DLGAP1: variants seen among roughly 807,000 people sequenced by gnomAD.
DLGAP1 encodes DLG associated protein 1, also known as disks large-associated protein 1.
Under a neutral mutation model 90.8 loss-of-function variants are expected in DLGAP1, and 11 were observed. The observed-to-expected ratio is 0.12, with a 90% CI of 0.08 to 0.20. The LOEUF (loss-of-function observed/expected upper bound fraction) is 0.20. Ranked by LOEUF, DLGAP1 falls within the 10% of genes least tolerant of loss-of-function variation. The probability of loss-of-function intolerance (pLI) is 1.00; values close to 1 mark genes in which losing one functional copy is unlikely to be tolerated. For missense variants in DLGAP1, 1,050 were observed against 1,333.8 expected, an observed-to-expected ratio of 0.79 and a Z score of 3.31; for synonymous variants, 558 against 540.7, an observed-to-expected ratio of 1.03 and a Z score of -0.44.
intron 1 of DLGAP1, among the ~76,000 whole-genome samples, chr18:4,249,931 T>C (rs2078746181): frequency 6.6e-6 from 1 of 152,202 alleles, no homozygotes; most frequent in South Asian, 2.1e-4. Flanking sequence ...TTATAAACTC[T>C]TCTCTCTCTG....
At chr18:4,312,303 T>G (rs77974464) in intron 1 of DLGAP1, among the ~76,000 whole-genome samples, 204 of 152,306 alleles carry the variant, frequency 1.3e-3, no homozygotes, top group African/African-American at 4.3e-3. Context: ...TGCCTACGAT[T>G]TATACACAGG....
chr18:4,233,972 G>C (rs1161916573), intron 1 of DLGAP1, among the ~76,000 whole-genome samples: 1 of 151,738 alleles, frequency 6.6e-6, no homozygotes, highest in Admixed American at 6.6e-5. Flanking sequence ...ATTTTGAGAA[G>C]CATGATTTCA....
At chr18:3,562,053 C>G (rs1374804612) in intron 9 of DLGAP1, among the ~76,000 whole-genome samples, 1 of 145,422 alleles carries the variant, frequency 6.9e-6, no homozygotes, top group South Asian at 2.1e-4. Flanking sequence ...ATGGTGAAAC[C>G]CTGTCTCTAC....
chr18:4,360,914 C>A (rs2144097777), intron 1 of DLGAP1, among the ~76,000 whole-genome samples: 1 of 152,028 alleles, frequency 6.6e-6, no homozygotes, highest in African/African-American at 2.4e-5. Flanking sequence ...CAACAGGCAG[C>A]CATTGCACTT....
intron 1 of DLGAP1, among the ~76,000 whole-genome samples, chr18:4,326,681 T>C (rs191558537): frequency 1.3e-5 from 2 of 152,230 alleles, no homozygotes; most frequent in Admixed American, 6.5e-5. Context: ...AATGAGCTCA[T>C]GTCCTTTGCA....
chr18:3,679,115 T>C (rs1442140853), intron 7 of DLGAP1, among the ~76,000 whole-genome samples: 3 of 152,134 alleles, frequency 2.0e-5, no homozygotes, highest in African/African-American at 7.2e-5. Flanking sequence ...TACAGGCGCA[T>C]GCCACTGTGC....
chr18:4,361,517 TA>T (rs1465827021), intron 1 of DLGAP1, among the ~76,000 whole-genome samples: 6 of 152,190 alleles, frequency 3.9e-5, no homozygotes, highest in African/African-American at 1.4e-4. Context: ...GACTGTCTTT[TA>T]AACAAATGCT....
At chr18:3,901,895 C>A (rs1357495568) in intron 3 of DLGAP1, among the ~76,000 whole-genome samples, 1 of 152,138 alleles carries the variant, frequency 6.6e-6, no homozygotes, top group Non-Finnish European at 1.5e-5. Flanking sequence ...CTCAGTTGGC[C>A]AACAGACCCC....
Position 3,879,387 on chromosome 18 carries a change from G to A in DLGAP1, c.682C>T (p.Pro228Ser), listed in dbSNP as rs1170002896. 1 of 1,613,182 alleles carries A rather than the reference G, an allele frequency of 6.2e-7. No individual in the cohort carries two copies. Among genetic ancestry groups the A allele is most frequent in the Non-Finnish European group, 8.5e-7 (1 of 1,179,960 alleles). Residue 228 changes from proline to serine, a missense_variant, in exon 4 of 13, where the codon CCC (proline) becomes TCC (serine). Physicochemically the swap from Pro to Ser is moderately conservative, Grantham distance 74 (BLOSUM62 -1). This residue lies in a region of DLGAP1 where 485 missense variants were observed against 454.1 expected (regional missense o/e 1.07). Coordinates refer to ENST00000315677, the MANE Select transcript of DLGAP1 (RefSeq NM_004746.4). This position sits in a 1 kb window ranked among gnomAD's most constrained non-coding sequence, Gnocchi z 6.6. ...PSGVMTMGRC[P>S]DRSASQYFLE... ...AAGTACTGTGAGGCCGAGCGGTCGG[G>A]GCACCTGCCCATGGTCATCACGCCC... is the stretch of plus-strand genomic sequence containing the variant.
At chr18:4,073,005 A>C (rs2075472145) in intron 2 of DLGAP1, among the ~76,000 whole-genome samples, 3 of 152,202 alleles carry the variant, frequency 2.0e-5, no homozygotes, top group Admixed American at 6.5e-5. Context: ...TCCCCATTAC[A>C]AACAGTGTGA....
At chr18:4,083,669 T>A (rs537849823) in intron 2 of DLGAP1, among the ~76,000 whole-genome samples, 1 of 152,306 alleles carries the variant, frequency 6.6e-6, no homozygotes, top group African/African-American at 2.4e-5. Flanking sequence ...AAGTTCCCTT[T>A]TCCTCCGTGC....
chr18:3,892,830 T>C (rs771235586), intron 3 of DLGAP1, among the ~76,000 whole-genome samples: 1 of 150,762 alleles, frequency 6.6e-6, no homozygotes. Context: ...CAATTCCTGT[T>C]CCATATTTTG....
chr18:4,149,311 C>T (rs909846414), intron 2 of DLGAP1, among the ~76,000 whole-genome samples: 1 of 152,010 alleles, frequency 6.6e-6, no homozygotes, highest in African/African-American at 2.4e-5. Flanking sequence ...AAGTTAGTGT[C>T]GAAACAGAAT....
chr18:3,898,387 GC>G (rs1213301060), intron 3 of DLGAP1, among the ~76,000 whole-genome samples: 8 of 152,282 alleles, frequency 5.3e-5, no homozygotes, highest in African/African-American at 1.4e-4. Context: ...TATCACAGCA[GC>G]CCTATGAAGC....
intron 7 of DLGAP1, among the ~76,000 whole-genome samples, chr18:3,702,074 A>G (rs1412490241): frequency 6.6e-6 from 1 of 152,200 alleles, no homozygotes; most frequent in East Asian, 1.9e-4. Context: ...CTTTTGAGAC[A>G]GAGTCTCATA....
chr18:4,282,237 G>A (rs1215659014), intron 1 of DLGAP1, among the ~76,000 whole-genome samples: 2 of 151,928 alleles, frequency 1.3e-5, no homozygotes, highest in East Asian at 3.9e-4. Flanking sequence ...GGTGGTGGGC[G>A]CCTGTAGTCT....
At chr18:3,567,027 A>G (rs1227651190) in intron 9 of DLGAP1, among the ~76,000 whole-genome samples, 1 of 151,598 alleles carries the variant, frequency 6.6e-6, no homozygotes, top group African/African-American at 2.4e-5. Flanking sequence ...GGATAATGAC[A>G]GGGAATATCT....
At chr18:3,686,433 CTA>C (rs1429214878) in intron 7 of DLGAP1, among the ~76,000 whole-genome samples, 1 of 152,040 alleles carries the variant, frequency 6.6e-6, no homozygotes, top group Non-Finnish European at 1.5e-5. Context: ...TATTTAAAGA[CTA>C]TGTTGGTTAT....
At chr18:4,068,700 C>T (rs1020109372) in intron 2 of DLGAP1, among the ~76,000 whole-genome samples, 1 of 151,910 alleles carries the variant, frequency 6.6e-6, no homozygotes, top group African/African-American at 2.4e-5. Flanking sequence ...ATCATAGGGA[C>T]CTGAAGAGAA....
Sources: gnomAD v4.1 joint callset for allele counts (sites outside exome capture counted in the v4.1 genomes callset) on GRCh38, gnomAD v4.1.1 for gene constraint, gnomAD v4.1.1 regional missense constraint, Gnocchi (gnomAD v3.1) non-coding constraint, MANE v1.5 for transcripts, NCBI Gene and HGNC (gene_info 2026-07-23, HGNC 2026-07-21) for gene names.